The following MECOM variants were observed in gnomAD, a reference collection of about 807,000 sequenced individuals.
MECOM encodes the protein histone-lysine N-methyltransferase MECOM.
MECOM carries 13 observed loss-of-function variants against 116.3 expected under a neutral mutation model. The observed-to-expected ratio is 0.11, with a 90% CI of 0.07 to 0.18. MECOM has a LOEUF of 0.18. Among genes scored for constraint, MECOM ranks in the 10% least tolerant of loss-of-function variants. The pLI is 1.00. For synonymous variants in MECOM, 528 were observed against 535.2 expected (o/e 0.99, Z 0.19); for missense variants, 1,299 against 1,509.0 (o/e 0.86, Z 2.31).
intron 2 of MECOM, among the ~76,000 whole-genome samples, chr3:169,279,699 A>G (rs1470362513): frequency 6.6e-6 from 1 of 152,248 alleles, no homozygotes; most frequent in Non-Finnish European, 1.5e-5. Context: ...GTTAATATTT[A>G]CTTATTCAAA....
At chr3:169,157,930 T>C (rs1215641817) in intron 2 of MECOM, among the ~76,000 whole-genome samples, 1 of 152,170 alleles carries the variant, frequency 6.6e-6, no homozygotes, top group Non-Finnish European at 1.5e-5. Context: ...AAATAAACCA[T>C]AGAGCTGGAT....
intron 2 of MECOM, among the ~76,000 whole-genome samples, chr3:169,361,390 T>G (rs1408327205): frequency 6.6e-6 from 1 of 151,782 alleles, no homozygotes; most frequent in Non-Finnish European, 1.5e-5. Context: ...TCTGCCAACC[T>G]CAAGAGCTCT....
At chr3:169,282,166 T>C (rs1199048716) in intron 2 of MECOM, among the ~76,000 whole-genome samples, 1 of 152,206 alleles carries the variant, frequency 6.6e-6, no homozygotes, top group African/African-American at 2.4e-5. Flanking sequence ...GGGGAGGATA[T>C]AGAATTGTTT....
intron 14 of MECOM, among the ~76,000 whole-genome samples, chr3:169,091,217 A>G (rs1719611392): frequency 6.6e-6 from 1 of 152,172 alleles, no homozygotes; most frequent in Admixed American, 6.5e-5. Flanking sequence ...AAAGAACAAA[A>G]AGAGTGCATG....
At chr3:169,383,295 C>T (rs1025245256) in intron 1 of MECOM, among the ~76,000 whole-genome samples, 1 of 152,148 alleles carries the variant, frequency 6.6e-6, no homozygotes, top group Non-Finnish European at 1.5e-5. Context: ...CAACCTTATA[C>T]CTATGGGACA....
intron 1 of MECOM, among the ~76,000 whole-genome samples, chr3:169,548,511 G>C (rs1760992730): frequency 6.6e-6 from 1 of 152,206 alleles, no homozygotes; most frequent in South Asian, 2.1e-4. Context: ...TAAAAAGTAA[G>C]AGGGAGCTAA....
intron 1 of MECOM, among the ~76,000 whole-genome samples, chr3:169,387,290 G>A (rs892136975): frequency 6.6e-6 from 1 of 152,134 alleles, no homozygotes; most frequent in Admixed American, 6.5e-5. Context: ...TTATTTGAGC[G>A]CCTGTGAACG....
chr3:169,328,875 T>C (rs958720107), intron 2 of MECOM, among the ~76,000 whole-genome samples: 17 of 152,172 alleles, frequency 1.1e-4, no homozygotes, highest in Non-Finnish European at 1.5e-5. Context: ...TTTCATGGAA[T>C]ACATTATCTA....
At chr3:169,655,654 G>T (rs1187258146) in intron 1 of MECOM, among the ~76,000 whole-genome samples, 2 of 152,106 alleles carry the variant, frequency 1.3e-5, no homozygotes, top group Non-Finnish European at 2.9e-5. Context: ...CAGTTTTAAT[G>T]TGCCCAAATT....
At chr3:169,446,570 T>C (rs1008439739) in intron 1 of MECOM, among the ~76,000 whole-genome samples, 2 of 152,214 alleles carry the variant, frequency 1.3e-5, no homozygotes, top group African/African-American at 4.8e-5. Flanking sequence ...AGAGCCACCT[T>C]GCCCTGAGTT....
intron 2 of MECOM, among the ~76,000 whole-genome samples, chr3:169,176,959 A>G (rs1339833155): frequency 1.3e-5 from 2 of 152,176 alleles, no homozygotes; most frequent in African/African-American, 4.8e-5. Context: ...TTAAAAGTCA[A>G]GAAACAATAG....
At chr3:169,190,745 G>T (rs1470145781) in intron 2 of MECOM, among the ~76,000 whole-genome samples, 2 of 151,938 alleles carry the variant, frequency 1.3e-5, no homozygotes, top group South Asian at 2.1e-4. Flanking sequence ...ACAAACAAAG[G>T]TAAAGATTTT....
At chr3:169,560,342 T>G (rs924291997) in intron 1 of MECOM, among the ~76,000 whole-genome samples, 3 of 152,192 alleles carry the variant, frequency 2.0e-5, no homozygotes, top group African/African-American at 7.2e-5. Context: ...GTTTTCCCTC[T>G]GCCAAAGGTG....
At chr3:169,639,285 A>G (rs1172347743) in intron 1 of MECOM, among the ~76,000 whole-genome samples, 1 of 152,178 alleles carries the variant, frequency 6.6e-6, no homozygotes. Context: ...TGAGCCAATC[A>G]GTGCATAGTG....
intron 1 of MECOM, among the ~76,000 whole-genome samples, chr3:169,461,171 A>G (rs922596041): frequency 1.3e-5 from 2 of 152,034 alleles, no homozygotes; most frequent in African/African-American, 2.4e-5. Context: ...TGAATCTTCC[A>G]CTTGCGCCAC....
At chr3:169,346,159 GA>G (rs892774145) in intron 2 of MECOM, among the ~76,000 whole-genome samples, 2 of 151,328 alleles carry the variant, frequency 1.3e-5, no homozygotes, top group African/African-American at 4.9e-5. Flanking sequence ...TTTAGGGAAG[GA>G]AAAAAAACAA....
At chr3:169,363,797 G>A (rs1728718877) in intron 2 of MECOM, among the ~76,000 whole-genome samples, 1 of 151,680 alleles carries the variant, frequency 6.6e-6, no homozygotes, top group Admixed American at 6.6e-5. Context: ...CAGCATCCCG[G>A]ATCTCATTAT....
chr3:169,160,392 G>A (rs954690539), intron 2 of MECOM, among the ~76,000 whole-genome samples: 2 of 151,752 alleles, frequency 1.3e-5, no homozygotes, highest in Admixed American at 6.6e-5. Context: ...CAGAAATTAT[G>A]TTTAAACTAC....
intron 2 of MECOM, among the ~76,000 whole-genome samples, chr3:169,315,542 G>T (rs1314988216): frequency 6.6e-6 from 1 of 152,138 alleles, no homozygotes; most frequent in Non-Finnish European, 1.5e-5. Flanking sequence ...AAAGTTAACA[G>T]CTTTGTGTCT....
Sources: allele counts gnomAD v4.1 joint callset (sites outside exome capture counted in the v4.1 genomes callset), GRCh38; gene constraint gnomAD v4.1.1; transcripts MANE v1.5; gene names NCBI Gene and HGNC (gene_info 2026-07-23, HGNC 2026-07-21).